TUSC3: variants seen among roughly 807,000 people sequenced by gnomAD.
The protein encoded by TUSC3 is dolichyl-diphosphooligosaccharide--protein glycosyltransferase subunit TUSC3.
TUSC3 carries 45 observed loss-of-function variants against 44.8 expected under a neutral mutation model. The observed-to-expected ratio is 1.00, with a 90% CI of 0.79 to 1.29. The LOEUF is 1.29. TUSC3 is among the 50% of genes most tolerant of loss of function. TUSC3 has a pLI of 0.00. For missense variants in TUSC3, 519 were observed against 437.9 expected (o/e 1.19, Z -1.65); for synonymous variants, 212 against 152.9 (o/e 1.39, Z -2.85).
chr8:15,578,875 A>G (rs1394065734), intron 1 of TUSC3, among the ~76,000 whole-genome samples: 9 of 152,080 alleles, frequency 5.9e-5, no homozygotes, highest in Non-Finnish European at 1.2e-4. Context: ...TGATTGGAAT[A>G]GTTTCAGAAG....
At chr8:15,640,288 C>T (rs1284961459) in intron 2 of TUSC3, among the ~76,000 whole-genome samples, 1 of 152,182 alleles carries the variant, frequency 6.6e-6, no homozygotes, top group Non-Finnish European at 1.5e-5. Flanking sequence ...TGTGACCTGA[C>T]AGGGAGTCAC....
chr8:15,730,440 T>C (rs1810671776), intron 6 of TUSC3, among the ~76,000 whole-genome samples: 1 of 152,194 alleles, frequency 6.6e-6, no homozygotes, highest in African/African-American at 2.4e-5. Flanking sequence ...AGTTTGCTTT[T>C]GATACTTAGT....
chr8:15,562,933 G>T (rs1026261791), intron 1 of TUSC3, among the ~76,000 whole-genome samples: 1 of 152,040 alleles, frequency 6.6e-6, no homozygotes, highest in South Asian at 2.1e-4. Context: ...GCAAATATTT[G>T]CCATATAAGG....
At chr8:15,670,019 T>C (rs892347781) in intron 5 of TUSC3, among the ~76,000 whole-genome samples, 5 of 151,830 alleles carry the variant, frequency 3.3e-5, no homozygotes, top group Non-Finnish European at 7.4e-5. Flanking sequence ...TTTAAAAAAA[T>C]CTATTGTCAT....
the TUSC3 span, chr8:15,806,477 G>A: frequency 1.2e-5 from 11 of 899,778 alleles, 1 homozygote; most frequent in South Asian, 1.2e-4. Context: ...ATGCAAACAG[G>A]TGTCGACTAT....
rs76492480 is a variant in TUSC3, at chr8:15,596,785, A to T, written c.139-26295A>T. ...GATATAATGTTTTGGTTGGGGTTGAATATAGTGTTACTGATAACTCTTTTT... is the reference window on the plus strand; with the variant it reads ...GATATAATGTTTTGGTTGGGGTTGATTATAGTGTTACTGATAACTCTTTTT... On this transcript the variant is annotated intron_variant, in intron 1 of 10. Transcript: ENST00000503731. 6.5e-3 allele frequency among the ~76,000 whole-genome samples: 988 copies of T among 152,244 alleles called. 5 individuals are homozygous for T. Among genetic ancestry groups the T allele is most frequent in the Non-Finnish European group, 0.01 (696 of 68,020 alleles).
chr8:15,672,070 A>AT (rs1452581854), intron 5 of TUSC3, among the ~76,000 whole-genome samples: 1 of 152,060 alleles, frequency 6.6e-6, no homozygotes, highest in African/African-American at 2.4e-5. Context: ...CTGGGTTGAC[A>AT]TAGCATGAAC....
chr8:15,636,011 G>A (rs1806057281), intron 2 of TUSC3, among the ~76,000 whole-genome samples: 1 of 152,198 alleles, frequency 6.6e-6, no homozygotes, highest in African/African-American at 2.4e-5. Flanking sequence ...AGTCTTCCAA[G>A]TGGCAGATGA....
the TUSC3 span, among the ~76,000 whole-genome samples, chr8:15,799,274 C>T: frequency 4.6e-5 from 7 of 152,282 alleles, no homozygotes; most frequent in East Asian, 1.4e-3. Flanking sequence ...CCAGCCAGCG[C>T]TCTAACAATT....
chr8:15,469,827 A>G (rs1408777425), intron 1 of TUSC3, among the ~76,000 whole-genome samples: 2 of 152,250 alleles, frequency 1.3e-5, no homozygotes, highest in South Asian at 2.1e-4. Flanking sequence ...TAAATGAGCT[A>G]TGAAGCCATG....
At chr8:15,479,343 CATG>C (rs910280268) in intron 1 of TUSC3, among the ~76,000 whole-genome samples, 1 of 152,104 alleles carries the variant, frequency 6.6e-6, no homozygotes, top group African/African-American at 2.4e-5. Context: ...ATGTTTTTGT[CATG>C]ATATTTTTGC....
At chr8:15,458,866 C>T (rs929939577) in intron 1 of TUSC3, among the ~76,000 whole-genome samples, 4 of 152,156 alleles carry the variant, frequency 2.6e-5, no homozygotes, top group Admixed American at 6.5e-5. Flanking sequence ...TTTAGCTTTA[C>T]AGGTGGCAAA....
At chr8:15,545,893 A>G (rs17657794) in intron 1 of TUSC3, among the ~76,000 whole-genome samples, 2 of 151,784 alleles carry the variant, frequency 1.3e-5, no homozygotes, top group Non-Finnish European at 2.9e-5. Context: ...TTTATTTGGC[A>G]TGTCAGACTA....
chr8:15,515,016 A>T (rs1024173595), intron 2 of TUSC3, among the ~76,000 whole-genome samples: 1 of 152,228 alleles, frequency 6.6e-6, no homozygotes, highest in African/African-American at 2.4e-5. Flanking sequence ...TGGAGAATCT[A>T]TCAATACATG....
At chr8:15,452,575 G>T (rs2129120568) in intron 1 of TUSC3, among the ~76,000 whole-genome samples, 1 of 152,180 alleles carries the variant, frequency 6.6e-6, no homozygotes, top group African/African-American at 2.4e-5. Flanking sequence ...GTGGGAGGAG[G>T]GGAAAGCAAA....
At chr8:15,515,143 A>G (rs929328867) in intron 2 of TUSC3, among the ~76,000 whole-genome samples, 5 of 152,134 alleles carry the variant, frequency 3.3e-5, no homozygotes, top group Admixed American at 3.3e-4. Context: ...AGAAAATGGG[A>G]GTCTTCTGAC....
chr8:15,734,500 C>G (rs1012668101), intron 7 of TUSC3, among the ~76,000 whole-genome samples: 10 of 151,914 alleles, frequency 6.6e-5, no homozygotes, highest in African/African-American at 2.4e-4. Flanking sequence ...CTAAAAATAA[C>G]TTACATAGGG....
rs183721015 is a variant in TUSC3 at position 15,629,228 on chromosome 8, A to T, written c.308+5979A>T. ...AGGAAAAAAGTGAGATTATAGAGGG[A>T]TGCCTTGGAGTTTGTAGATGAGGAT... On this transcript the variant is annotated intron_variant, in intron 2 of 10. Coordinates refer to ENST00000503731, the MANE Select transcript of TUSC3 (RefSeq NM_006765.4). Among the ~76,000 whole-genome samples, 23 of 152,124 alleles carry T rather than the reference A, an allele frequency of 1.5e-4. No individual in the cohort carries two copies. The East Asian group carries it at 4.5e-3, about 30-fold the overall frequency.
chr8:15,653,586 C>T (rs1807015568), intron 3 of TUSC3, among the ~76,000 whole-genome samples: 1 of 152,118 alleles, frequency 6.6e-6, no homozygotes, highest in African/African-American at 2.4e-5. Flanking sequence ...CAGCAGGAAT[C>T]CTGGTGTAGA....
Sources: allele counts gnomAD v4.1 joint callset (sites outside exome capture counted in the v4.1 genomes callset), GRCh38; gene constraint gnomAD v4.1.1; transcripts MANE v1.5; gene names NCBI Gene and HGNC (gene_info 2026-07-23, HGNC 2026-07-21).